Variants in CEMIP2 observed in about 807,000 individuals in gnomAD.
CEMIP2 encodes the protein cell migration inducing hyaluronidase 2.
A neutral mutation model predicts 146.9 loss-of-function variants in CEMIP2; 79 were observed. That is an observed-to-expected ratio of 0.54 (90% CI 0.45 to 0.65). The LOEUF is 0.65. Ranked by LOEUF, CEMIP2 falls within the 30% of genes least tolerant of loss-of-function variation. CEMIP2 has a pLI of 0.00. For synonymous variants in CEMIP2, 601 were observed against 606.3 expected (o/e 0.99, Z 0.13); for missense variants, 1,596 against 1,696.2 (o/e 0.94, Z 1.04).
chr9:71,747,914 C>T (rs1429520801), intron 2 of CEMIP2, among the ~76,000 whole-genome samples: 1 of 152,128 alleles, frequency 6.6e-6, no homozygotes, highest in Admixed American at 6.5e-5. Flanking sequence ...ATATTTAATG[C>T]TTCTGATAAG....
At chr9:71,761,297 G>A (rs894574577) in intron 1 of CEMIP2, among the ~76,000 whole-genome samples, 13 of 152,202 alleles carry the variant, frequency 8.5e-5, no homozygotes, top group African/African-American at 3.1e-4. Context: ...TTGGCAAAAT[G>A]TTGAAAGGTG....
chr9:71,728,277 A>ATGTG (rs1452718074), intron 10 of CEMIP2, among the ~76,000 whole-genome samples: 178 of 10,774 alleles, frequency 0.017, 45 homozygotes, highest in Non-Finnish European at 0.033. Context: ...ATATATATAT[A>ATGTG]TATGTATATA....
At chr9:71,720,250 C>T (rs936480408) in intron 12 of CEMIP2, among the ~76,000 whole-genome samples, 23 of 151,410 alleles carry the variant, frequency 1.5e-4, no homozygotes, top group African/African-American at 5.6e-4. Flanking sequence ...TATATTTTCA[C>T]GTCTTGAAGA....
At chr9:71,756,228 G>GGATAGATAGATAGA (rs55701944) in intron 1 of CEMIP2, among the ~76,000 whole-genome samples, 7 of 102,508 alleles carry the variant, frequency 6.8e-5, no homozygotes, top group Non-Finnish European at 1.3e-4. Context: ...ATATATATAT[G>GGATAGATAGATAGA]TATATAGGTG....
intron 6 of CEMIP2, among the ~76,000 whole-genome samples, chr9:71,734,525 G>C (rs1461531120): frequency 6.6e-6 from 1 of 152,088 alleles, no homozygotes; most frequent in African/African-American, 2.4e-5. Flanking sequence ...TAATAGAAAA[G>C]ACCTTGGAAA....
In CEMIP2 at chr9:71,720,029, T is replaced by C. The variant is rs1823187875; in HGVS notation, c.2268-1950A>G. On this transcript the variant is annotated intron_variant, in intron 12 of 23. Transcript: ENST00000377044. ...GCTTTGATACCCTTTATTTCCATCT[T>C]CTTTCCCACTTGGCATATAGACAAT... Among the ~76,000 whole-genome samples the C allele has an allele frequency of 2.0e-5, 3 of 152,276 alleles. No individual in the cohort carries two copies. The South Asian group carries it at 6.2e-4, about 32-fold the overall frequency.
upstream of CEMIP2, among the ~76,000 whole-genome samples, chr9:71,769,244 C>G (rs908393480): frequency 6.6e-6 from 1 of 152,230 alleles, no homozygotes; most frequent in Non-Finnish European, 1.5e-5. Context: ...ACTGCGCCCC[C>G]AAAGTCCCCT....
chr9:71,712,949 G>T (rs1217876330), intron 15 of CEMIP2, among the ~76,000 whole-genome samples: 4 of 152,120 alleles, frequency 2.6e-5, no homozygotes, highest in African/African-American at 9.7e-5. Flanking sequence ...CATGGCAGAG[G>T]ATCTCTATAG....
intron 15 of CEMIP2, among the ~76,000 whole-genome samples, chr9:71,713,839 T>C (rs1310152143): frequency 6.6e-6 from 1 of 152,192 alleles, no homozygotes; most frequent in Non-Finnish European, 1.5e-5. Flanking sequence ...TCATTGAGCT[T>C]TGTGAGGATT....
At chr9:71,765,714 G>T (rs1477455135) in intron 1 of CEMIP2, among the ~76,000 whole-genome samples, 1 of 152,076 alleles carries the variant, frequency 6.6e-6, no homozygotes, top group African/African-American at 2.4e-5. Flanking sequence ...CCTTCTAATT[G>T]TTCATTTCCT....
intron 15 of CEMIP2, chr9:71,712,487 T>C: frequency 2.1e-6 from 1 of 486,314 alleles, no homozygotes; most frequent in Non-Finnish European, 3.6e-6. Context: ...ATAGAGACCA[T>C]AAGACACAAC....
At chr9:71,768,674 C>G (rs1411812131), upstream of CEMIP2, 1 of 152,106 alleles carries the variant, frequency 6.6e-6, no homozygotes, top group Non-Finnish European at 1.5e-5. Context: ...CGGCTTTCTC[C>G]GTTCCTTCCC....
chr9:71,762,642 C>G (rs907536385), intron 1 of CEMIP2, among the ~76,000 whole-genome samples: 1 of 152,136 alleles, frequency 6.6e-6, no homozygotes, highest in South Asian at 2.1e-4. Flanking sequence ...TCAGACTCAG[C>G]CAAGCCCTGC....
chr9:71,749,670 C>T (rs1172731004), intron 2 of CEMIP2, among the ~76,000 whole-genome samples: 3 of 151,834 alleles, frequency 2.0e-5, no homozygotes, highest in Admixed American at 6.6e-5. Context: ...CACACCACTG[C>T]ACTCCAGCCA....
intron 7 of CEMIP2, among the ~76,000 whole-genome samples, chr9:71,731,611 G>C (rs1401610766): frequency 6.6e-6 from 1 of 151,874 alleles, no homozygotes; most frequent in Non-Finnish European, 1.5e-5. Context: ...TACACCTGTA[G>C]TCCCAGCTAT....
chr9:71,702,131 G>A (rs752663290), intron 18 of CEMIP2, among the ~76,000 whole-genome samples: 10 of 151,922 alleles, frequency 6.6e-5, no homozygotes, highest in Admixed American at 5.9e-4. Flanking sequence ...GGTGGCATAC[G>A]CCTGTAGTCC....
chr9:71,696,889 A>T (rs1415442172), intron 20 of CEMIP2, among the ~76,000 whole-genome samples: 2 of 152,110 alleles, frequency 1.3e-5, no homozygotes, highest in Non-Finnish European at 2.9e-5. Context: ...TAATGAAAAA[A>T]AAAAGAGAGA....
chr9:71,700,810 C>A lies in CEMIP2; in HGVS notation c.3209G>T (p.Arg1070Leu). ...GTTTGATGGATAGCAAAGGCCAACT[C>A]GAATCCAGTCATTCCTTTAAAGGAG... is the stretch of plus-strand genomic sequence containing the variant. ...LVNFNKNDWI[R>L]VGLCYPSNTS... Residue 1070 changes from arginine to leucine, a missense_variant, in exon 19 of 24, where the codon CGA (arginine) becomes CTA (leucine). Transcript: ENST00000377044. 1.9e-6 allele frequency: 3 copies of A among 1,605,634 alleles called. No homozygotes were observed. The highest frequency in any genetic ancestry group is 2.5e-6 in the Non-Finnish European group (3 of 1,177,894).
chr9:71,755,346 T>TACACACACACACACACACACAC lies in CEMIP2; in HGVS notation c.-12-4983_-12-4962dup, dbSNP rs34581447. Among the ~76,000 whole-genome samples, 692 of 134,904 alleles carry TACACACACACACACACACACAC rather than the reference T, an allele frequency of 5.1e-3. 7 individuals carry two copies. The highest frequency in any genetic ancestry group is 0.018 in the African/African-American group (622 of 35,060). The allele number at this position is 134,904 out of a possible 152,430, so 88.5% of individuals were successfully genotyped here. On this transcript the variant is annotated intron_variant, in intron 1 of 23. Coordinates refer to ENST00000377044, the MANE Select transcript of CEMIP2 (RefSeq NM_013390.3). ...GGAACCTAGTGAGACACCCTGTCTC[T>TACACACACACACACACACACAC]ACACACACACACACACACACACACA...
Sources: allele counts gnomAD v4.1 joint callset (sites outside exome capture counted in the v4.1 genomes callset), GRCh38; gene constraint gnomAD v4.1.1; transcripts MANE v1.5; gene names NCBI Gene and HGNC (gene_info 2026-07-23, HGNC 2026-07-21).